EFCAB6: variants seen among roughly 807,000 people sequenced by gnomAD.
EFCAB6 encodes EF-hand calcium binding domain 6.
EFCAB6 carries 156 observed loss-of-function variants against 169.8 expected under a neutral mutation model. The observed-to-expected ratio is 0.92, with a 90% CI of 0.81 to 1.05. The LOEUF (loss-of-function observed/expected upper bound fraction) is 1.05, where lower values mean the gene tolerates loss of function less well. EFCAB6 is among the 50% of genes least tolerant of loss of function. EFCAB6 has a pLI of 0.00. For missense variants in EFCAB6, 1,800 were observed against 1,829.1 expected, an observed-to-expected ratio of 0.98 and a Z score of 0.29; for synonymous variants, 698 against 676.4, an observed-to-expected ratio of 1.03 and a Z score of -0.50.
chr22:43,604,713 C>A (rs1051647748), intron 22 of EFCAB6, among the ~76,000 whole-genome samples: 9 of 150,920 alleles, frequency 6.0e-5, no homozygotes, highest in African/African-American at 2.2e-4. Flanking sequence ...TTTTTTTTGT[C>A]CACACGAGAT....
At chr22:43,803,493 A>T (rs1224976903) in intron 2 of EFCAB6, among the ~76,000 whole-genome samples, 3 of 152,150 alleles carry the variant, frequency 2.0e-5, no homozygotes, top group African/African-American at 7.2e-5. Context: ...AAATACCGTG[A>T]TTGGTTATGG....
intron 26 of EFCAB6, among the ~76,000 whole-genome samples, chr22:43,566,298 G>A (rs778319551): frequency 3.3e-5 from 5 of 152,344 alleles, no homozygotes; most frequent in Admixed American, 6.5e-5. Flanking sequence ...CTGCCCAGGC[G>A]TGGGATCTCT....
chr22:43,544,466 C>A (rs2047926774), intron 27 of EFCAB6, among the ~76,000 whole-genome samples: 1 of 152,146 alleles, frequency 6.6e-6, no homozygotes, highest in Non-Finnish European at 1.5e-5. Context: ...CAACTGCCTG[C>A]AAGGTGGAAG....
chr22:43,778,518 A>G (rs1257964940), intron 3 of EFCAB6, among the ~76,000 whole-genome samples: 2 of 152,222 alleles, frequency 1.3e-5, no homozygotes, highest in Non-Finnish European at 2.9e-5. Context: ...AGATGTTCCC[A>G]GGTGCAGAAA....
chr22:43,737,436 A>T (rs1392526728), intron 6 of EFCAB6, among the ~76,000 whole-genome samples: 1 of 150,032 alleles, frequency 6.7e-6, no homozygotes, highest in African/African-American at 2.5e-5. Context: ...ACCATCACTC[A>T]CACACACATA....
In EFCAB6 at chr22:43,795,138, C is replaced by T. The variant is rs1208192818; in HGVS notation, c.-7-12813G>A. Among the ~76,000 whole-genome samples, 1 of 152,128 alleles carries T rather than the reference C, an allele frequency of 6.6e-6. No individual in the cohort carries two copies. The highest frequency in any genetic ancestry group is 2.4e-5 in the African/African-American group (1 of 41,418). On this transcript the variant is annotated intron_variant, in intron 2 of 31. Transcript: ENST00000262726. This position sits in a 1 kb window ranked among gnomAD's most constrained non-coding sequence, Gnocchi z 4.2. ...AACCTAGAAATCAAATGAAAAACAA[C>T]AAACTGCGGAAAGTGAATATATTTT...
At chr22:43,655,335 G>A (rs1028910577) in intron 17 of EFCAB6, among the ~76,000 whole-genome samples, 3 of 152,086 alleles carry the variant, frequency 2.0e-5, no homozygotes, top group Admixed American at 1.3e-4. Flanking sequence ...AGGGGCTAAA[G>A]GGAGTATTTT....
intron 23 of EFCAB6, among the ~76,000 whole-genome samples, chr22:43,594,291 A>G (rs1340625318): frequency 2.0e-5 from 3 of 150,870 alleles, no homozygotes; most frequent in Admixed American, 6.6e-5. Flanking sequence ...AAAAAAAAAA[A>G]AAAAAAAGAA....
chr22:43,582,183 TTTAG>T (rs2050769576), intron 24 of EFCAB6, among the ~76,000 whole-genome samples: 2 of 152,224 alleles, frequency 1.3e-5, no homozygotes, highest in African/African-American at 4.8e-5. Flanking sequence ...CTTATAATCA[TTTAG>T]TTAATTTATC....
chr22:43,559,065 A>G (rs2048874350), intron 26 of EFCAB6, among the ~76,000 whole-genome samples: 1 of 152,258 alleles, frequency 6.6e-6, no homozygotes, highest in South Asian at 2.1e-4. Flanking sequence ...AACTATCATC[A>G]GAGTGAACAG....
chr22:43,589,683 G>C (rs997852990), intron 24 of EFCAB6, among the ~76,000 whole-genome samples: 1 of 152,138 alleles, frequency 6.6e-6, no homozygotes, highest in African/African-American at 2.4e-5. Context: ...AGCTACTTGG[G>C]AGCCTGAGGC....
chr22:43,805,784 T>C (rs2062895544), intron 2 of EFCAB6, among the ~76,000 whole-genome samples: 1 of 152,190 alleles, frequency 6.6e-6, no homozygotes, highest in Admixed American at 6.5e-5. Context: ...CTTTACAAAT[T>C]ATATGAATGT....
At chr22:43,793,882 T>A (rs1362749494) in intron 2 of EFCAB6, among the ~76,000 whole-genome samples, 1 of 152,226 alleles carries the variant, frequency 6.6e-6, no homozygotes, top group Non-Finnish European at 1.5e-5. Context: ...TTTGTTATTG[T>A]TATTAATACC....
chr22:43,712,029 T>C (rs1752989489), intron 9 of EFCAB6, among the ~76,000 whole-genome samples: 1 of 152,210 alleles, frequency 6.6e-6, no homozygotes, highest in Non-Finnish European at 1.5e-5. Flanking sequence ...AATATTTTAT[T>C]AAAAATAGAA....
At chr22:43,768,052 T>C (rs2061370246) in intron 4 of EFCAB6, among the ~76,000 whole-genome samples, 1 of 152,232 alleles carries the variant, frequency 6.6e-6, no homozygotes, top group Non-Finnish European at 1.5e-5. Flanking sequence ...AGACATTTTC[T>C]CCAACCTGGC....
intron 5 of EFCAB6, among the ~76,000 whole-genome samples, chr22:43,758,949 G>A (rs893460757): frequency 4.6e-5 from 7 of 152,240 alleles, no homozygotes; most frequent in African/African-American, 1.7e-4. Flanking sequence ...CTGGCTGGGT[G>A]CAGTGGCTCA....
chr22:43,802,823 T>C, intron 2 of EFCAB6: 2 of 433,446 alleles, frequency 4.6e-6, no homozygotes, highest in South Asian at 3.8e-5. Flanking sequence ...GACTGTACAG[T>C]TTGAAATACT....
At chr22:43,579,769 GGCATCATTCCCTACAGGCAA>G (rs2050592264) in intron 25 of EFCAB6, among the ~76,000 whole-genome samples, 1 of 149,870 alleles carries the variant, frequency 6.7e-6, no homozygotes, top group Non-Finnish European at 1.5e-5. Context: ...CGTACACGCA[GGCATCATTCCCTACAGGCAA>G]GCATCATTCC....
intron 23 of EFCAB6, among the ~76,000 whole-genome samples, chr22:43,595,968 A>C (rs933771335): frequency 1.3e-5 from 2 of 152,230 alleles, no homozygotes; most frequent in African/African-American, 4.8e-5. Context: ...AATGTGATAC[A>C]TCACATCAAC....
Sources: allele counts gnomAD v4.1 joint callset (sites outside exome capture counted in the v4.1 genomes callset), GRCh38; gene constraint gnomAD v4.1.1; non-coding constraint Gnocchi (gnomAD v3.1); transcripts MANE v1.5; gene names NCBI Gene and HGNC (gene_info 2026-07-23, HGNC 2026-07-21).